The following NELL1 variants were observed in gnomAD, a reference collection of about 807,000 sequenced individuals.
NELL1 encodes the protein neural EGFL like 1, also known as protein kinase C-binding protein NELL1.
Under a neutral mutation model 107.4 loss-of-function variants are expected in NELL1, and 76 were observed. The ratio of observed to expected loss-of-function variants is 0.71; its 90% CI spans 0.59 to 0.86. The LOEUF is 0.86. NELL1 is among the 40% of genes least tolerant of loss of function. NELL1 has a pLI of 0.00. For missense variants in NELL1, 1,024 were observed against 1,005.5 expected (o/e 1.02, Z -0.25); for synonymous variants, 353 against 341.2 (o/e 1.03, Z -0.38).
intron 14 of NELL1, among the ~76,000 whole-genome samples, chr11:21,322,118 ACT>A (rs970654866): frequency 3.0e-4 from 46 of 152,078 alleles, no homozygotes; most frequent in African/African-American, 1.0e-3. Context: ...GTCTAAGACA[ACT>A]CTCCTGTTTT....
At chr11:21,201,254 C>T (rs759980060) in intron 13 of NELL1, among the ~76,000 whole-genome samples, 1 of 152,072 alleles carries the variant, frequency 6.6e-6, no homozygotes, top group Non-Finnish European at 1.5e-5. Context: ...TGAGTTTTCC[C>T]ATTCATGACC....
chr11:21,228,727 TCCCCTCCCTCCCCTCCCCTG>T (rs2133882903), intron 13 of NELL1, among the ~76,000 whole-genome samples: 10 of 32,080 alleles, frequency 3.1e-4, no homozygotes, highest in Non-Finnish European at 4.0e-4. Context: ...CCTCCTTCCC[TCCCCTCCCTCCCCTCCCCTG>T]CCCTCCCCTC....
At chr11:21,011,133 T>C (rs928220423) in intron 12 of NELL1, among the ~76,000 whole-genome samples, 1 of 152,170 alleles carries the variant, frequency 6.6e-6, no homozygotes, top group Non-Finnish European at 1.5e-5. Context: ...AATTCCCAGC[T>C]GGCAATTTTA....
intron 9 of NELL1, among the ~76,000 whole-genome samples, chr11:20,935,084 T>G (rs1850695577): frequency 6.6e-6 from 1 of 152,208 alleles, no homozygotes; most frequent in Non-Finnish European, 1.5e-5. Context: ...TTATTATTAC[T>G]CTCAATAAAT....
At chr11:21,224,924 A>G (rs915832989) in intron 13 of NELL1, among the ~76,000 whole-genome samples, 5 of 152,214 alleles carry the variant, frequency 3.3e-5, no homozygotes, top group African/African-American at 7.2e-5. Context: ...CCTTAAGATC[A>G]TTATTTTGAA....
intron 14 of NELL1, among the ~76,000 whole-genome samples, chr11:21,344,290 A>C (rs937918438): frequency 3.6e-4 from 55 of 152,216 alleles, no homozygotes; most frequent in Non-Finnish European, 1.2e-4. Flanking sequence ...AGATTTCAGC[A>C]GCCATAACAT....
intron 3 of NELL1, among the ~76,000 whole-genome samples, chr11:20,818,014 G>A (rs1264311343): frequency 6.6e-6 from 1 of 152,018 alleles, no homozygotes; most frequent in African/African-American, 2.4e-5. Flanking sequence ...AAAGCATGTG[G>A]TTGATCTTAG....
At chr11:21,542,284 T>G (rs1399542897) in intron 16 of NELL1, among the ~76,000 whole-genome samples, 6 of 152,072 alleles carry the variant, frequency 3.9e-5, no homozygotes, top group Non-Finnish European at 8.8e-5. Flanking sequence ...AATCCAGGTG[T>G]GTTTGATCCC....
At chr11:20,820,958 A>C (rs1857737678) in intron 3 of NELL1, among the ~76,000 whole-genome samples, 3 of 152,212 alleles carry the variant, frequency 2.0e-5, no homozygotes, top group Admixed American at 2.0e-4. Flanking sequence ...CAAGTGCAGA[A>C]ACTTTATTTG....
chr11:21,383,795 A>G (rs1266120821), intron 15 of NELL1: 2 of 151,458 alleles, frequency 1.3e-5, no homozygotes, highest in Non-Finnish European at 2.9e-5. Context: ...CCCCCTCAAA[A>G]TGCTTTTTTT....
At chr11:21,051,496 G>A (rs906155018) in intron 12 of NELL1, among the ~76,000 whole-genome samples, 3 of 152,048 alleles carry the variant, frequency 2.0e-5, no homozygotes, top group African/African-American at 7.2e-5. Context: ...ACTTATTAAT[G>A]TAACTAAACA....
intron 14 of NELL1, among the ~76,000 whole-genome samples, chr11:21,250,793 T>A (rs1266103555): frequency 6.6e-6 from 1 of 152,174 alleles, no homozygotes; most frequent in South Asian, 2.1e-4. Flanking sequence ...TAAATTATAA[T>A]GTTTGATAGG....
intron 4 of NELL1, among the ~76,000 whole-genome samples, chr11:20,863,757 G>A (rs1167895687): frequency 6.6e-6 from 1 of 152,172 alleles, no homozygotes; most frequent in Non-Finnish European, 1.5e-5. Context: ...CAAGGCAGGC[G>A]GCTGGGAGGT....
chr11:20,813,651 C>G (rs1210852511), intron 3 of NELL1, among the ~76,000 whole-genome samples: 2 of 152,102 alleles, frequency 1.3e-5, no homozygotes, highest in Non-Finnish European at 2.9e-5. Flanking sequence ...TTAGCTATTT[C>G]CAGCATTCAA....
intron 14 of NELL1, among the ~76,000 whole-genome samples, chr11:21,336,309 A>T (rs1850394404): frequency 6.6e-6 from 1 of 152,016 alleles, no homozygotes; most frequent in South Asian, 2.1e-4. Flanking sequence ...ACAGTATCTT[A>T]TTGAAGCTCA....
At chr11:21,194,447 A>AC (rs35137098) in intron 13 of NELL1, among the ~76,000 whole-genome samples, 2 of 151,162 alleles carry the variant, frequency 1.3e-5, no homozygotes, top group Admixed American at 1.3e-4. Context: ...ATATGTCTGG[A>AC]CCCCCCCATA....
At chr11:21,518,701 G>A (rs1855636694) in intron 15 of NELL1, among the ~76,000 whole-genome samples, 1 of 152,210 alleles carries the variant, frequency 6.6e-6, no homozygotes, top group Non-Finnish European at 1.5e-5. Context: ...GGGAGTGACA[G>A]TGTGATCTAC....
intron 15 of NELL1, among the ~76,000 whole-genome samples, chr11:21,483,386 G>A (rs1366861796): frequency 6.6e-6 from 1 of 152,064 alleles, no homozygotes; most frequent in Non-Finnish European, 1.5e-5. Flanking sequence ...TGCAGTACCT[G>A]TCAATATATG....
intron 12 of NELL1, among the ~76,000 whole-genome samples, chr11:20,975,546 A>G (rs1248512010): frequency 1.4e-5 from 2 of 143,298 alleles, no homozygotes; most frequent in Non-Finnish European, 3.0e-5. Context: ...TATGTATTAT[A>G]TATACATATA....
Sources: allele counts gnomAD v4.1 joint callset (sites outside exome capture counted in the v4.1 genomes callset), GRCh38; gene constraint gnomAD v4.1.1; transcripts MANE v1.5; gene names NCBI Gene and HGNC (gene_info 2026-07-23, HGNC 2026-07-21).